LRP1B: variants seen among roughly 807,000 people sequenced by gnomAD.
The protein encoded by LRP1B is LDL receptor related protein 1B, also known as low-density lipoprotein receptor-related protein 1B.
A neutral mutation model predicts 556.6 loss-of-function variants in LRP1B; 217 were observed. The ratio of observed to expected loss-of-function variants is 0.39; its 90% CI spans 0.35 to 0.44. The LOEUF (loss-of-function observed/expected upper bound fraction) is 0.44. Among genes scored for constraint, LRP1B ranks in the 20% least tolerant of loss-of-function variants. LRP1B has a pLI of 1.00. For synonymous variants in LRP1B, 2,047 were observed against 1,865.8 expected, an observed-to-expected ratio of 1.10 and a Z score of -2.50; for missense variants, 5,053 against 5,620.8, an observed-to-expected ratio of 0.90 and a Z score of 3.23.
At chr2:140,499,381 T>TAAACACAAATA (rs1413298957) in intron 55 of LRP1B, among the ~76,000 whole-genome samples, 1 of 151,800 alleles carries the variant, frequency 6.6e-6, no homozygotes, top group Non-Finnish European at 1.5e-5. Context: ...ACACATGGAA[T>TAAACACAAATA]AAACACAAAT....
chr2:141,038,944 T>TTA (rs892363945), intron 11 of LRP1B, among the ~76,000 whole-genome samples: 5 of 152,046 alleles, frequency 3.3e-5, no homozygotes, highest in African/African-American at 7.2e-5. Flanking sequence ...AATGTAACAA[T>TTA]TATATATATA....
chr2:141,637,046 T>C (rs1268230201), intron 2 of LRP1B, among the ~76,000 whole-genome samples: 1 of 152,152 alleles, frequency 6.6e-6, no homozygotes, highest in East Asian at 1.9e-4. Context: ...GTCTGGAATT[T>C]TTTCTCGAGA....
chr2:140,483,684 A>G (rs1688349893), intron 59 of LRP1B, among the ~76,000 whole-genome samples: 1 of 131,080 alleles, frequency 7.6e-6, no homozygotes, highest in Admixed American at 8.8e-5. Flanking sequence ...TGTGTCACCC[A>G]GGCTGGAATG....
At chr2:140,511,290 G>GTTTTTTTTTT (rs1178038693) in intron 51 of LRP1B, among the ~76,000 whole-genome samples, 1 of 82,620 alleles carries the variant, frequency 1.2e-5, no homozygotes, top group African/African-American at 5.8e-5. Flanking sequence ...TCCTCTAAGG[G>GTTTTTTTTTT]TCTTTTTTTT....
intron 3 of LRP1B, among the ~76,000 whole-genome samples, chr2:141,370,754 T>C (rs1020265804): frequency 1.3e-5 from 2 of 152,174 alleles, no homozygotes; most frequent in Non-Finnish European, 2.9e-5. Flanking sequence ...CCCCAGGTTT[T>C]TTCTAATATG....
chr2:140,546,125 T>C (rs963741383), intron 43 of LRP1B, among the ~76,000 whole-genome samples: 4 of 151,928 alleles, frequency 2.6e-5, no homozygotes, highest in African/African-American at 4.8e-5. Context: ...TTTGTGTACA[T>C]TGGTTTTTGT....
chr2:141,186,047 C>A (rs1681237729), intron 7 of LRP1B, among the ~76,000 whole-genome samples: 2 of 126,250 alleles, frequency 1.6e-5, no homozygotes, highest in Admixed American at 2.1e-4. Context: ...CCACTGTACT[C>A]CAGCTTGAGC....
At chr2:140,269,002 G>A (rs1031354084) in intron 86 of LRP1B, among the ~76,000 whole-genome samples, 2 of 151,842 alleles carry the variant, frequency 1.3e-5, no homozygotes, top group Admixed American at 1.3e-4. Context: ...CTAATTAAAA[G>A]CTACTATTTT....
chr2:140,371,379 T>C (rs1049033793), intron 69 of LRP1B, 94 bp from the exon 70 acceptor site: 16 of 548,916 alleles, frequency 2.9e-5, no homozygotes, highest in Middle Eastern at 9.1e-4. Flanking sequence ...AATTTATAGA[T>C]GGTAATAAAA....
chr2:141,142,990 G>A (rs908866808), intron 7 of LRP1B, among the ~76,000 whole-genome samples: 1 of 145,024 alleles, frequency 6.9e-6, no homozygotes, highest in African/African-American at 2.6e-5. Flanking sequence ...GTTCAATGGC[G>A]CGATCTCGGC....
intron 21 of LRP1B, among the ~76,000 whole-genome samples, chr2:140,918,648 T>C (rs1694650461): frequency 6.6e-6 from 1 of 152,064 alleles, no homozygotes; most frequent in Non-Finnish European, 1.5e-5. Flanking sequence ...ACATTTTTCT[T>C]ATAGGTGTTA....
At chr2:142,020,933 T>A (rs1703307842) in intron 1 of LRP1B, among the ~76,000 whole-genome samples, 2 of 152,226 alleles carry the variant, frequency 1.3e-5, no homozygotes, top group Non-Finnish European at 2.9e-5. Context: ...ATGTTCATTC[T>A]AGACACTAAT....
chr2:140,733,105 A>G (rs1290309670), intron 35 of LRP1B, among the ~76,000 whole-genome samples: 1 of 152,164 alleles, frequency 6.6e-6, no homozygotes, highest in Admixed American at 6.5e-5. Context: ...AGACTAGTAG[A>G]TAATTGGATA....
chr2:141,828,803 T>C (rs1001425455), intron 1 of LRP1B, among the ~76,000 whole-genome samples: 3 of 152,084 alleles, frequency 2.0e-5, no homozygotes, highest in Admixed American at 6.6e-5. Flanking sequence ...GGAAGTTAAC[T>C]GGTTAATCGG....
chr2:141,796,521 T>A (rs1401946654), intron 2 of LRP1B, among the ~76,000 whole-genome samples: 1 of 152,028 alleles, frequency 6.6e-6, no homozygotes, highest in Non-Finnish European at 1.5e-5. Flanking sequence ...ATTTCTTTTT[T>A]CTTTCTTTTA....
intron 3 of LRP1B, among the ~76,000 whole-genome samples, chr2:141,300,561 G>T (rs1686351289): frequency 6.6e-6 from 1 of 152,140 alleles, no homozygotes; most frequent in African/African-American, 2.4e-5. Context: ...GAGCTTCGTG[G>T]CTGATTATAT....
intron 67 of LRP1B, among the ~76,000 whole-genome samples, chr2:140,384,170 C>T (rs1383237407): frequency 6.6e-6 from 1 of 152,112 alleles, no homozygotes; most frequent in Non-Finnish European, 1.5e-5. Context: ...ACAGAGTTGG[C>T]CTCTCATCCA....
At chr2:141,582,433 T>C (rs1559155585) in intron 2 of LRP1B, among the ~76,000 whole-genome samples, 1 of 152,194 alleles carries the variant, frequency 6.6e-6, no homozygotes, top group South Asian at 2.1e-4. Context: ...GGCATAGTAT[T>C]ATTTGGCCAC....
chr2:142,086,207 T>C lies in LRP1B; in HGVS notation c.82+44441A>G, dbSNP rs914141452. Among the ~76,000 whole-genome samples, 17 of 152,206 alleles carry C rather than the reference T, an allele frequency of 1.1e-4. 1 individual carries two copies. The South Asian group carries it at 3.3e-3, about 30-fold the overall frequency. On this transcript the variant is annotated intron_variant, in intron 1 of 90. Transcript: ENST00000389484. ...TTAGTCAACCTTTTCACATAACATA[T>C]CTCAAAAAGAGGCAAGTTAGTCCTT...
Sources: gnomAD v4.1 joint callset for allele counts (sites outside exome capture counted in the v4.1 genomes callset) on GRCh38, gnomAD v4.1.1 for gene constraint, MANE v1.5 for transcripts, NCBI Gene and HGNC (gene_info 2026-07-23, HGNC 2026-07-21) for gene names.